SHANK2: variants seen among roughly 807,000 people sequenced by gnomAD.
SHANK2 encodes SH3 and multiple ankyrin repeat domains 2.
A neutral mutation model predicts 133.7 loss-of-function variants in SHANK2; 43 were observed. That is an observed-to-expected ratio of 0.32 (90% confidence interval 0.25 to 0.41). SHANK2 has a LOEUF of 0.41. Ranked by LOEUF, SHANK2 falls within the 10% of genes least tolerant of loss-of-function variation. SHANK2 has a pLI of 1.00. For missense variants in SHANK2, 1,994 were observed against 2,235.8 expected, an observed-to-expected ratio of 0.89 and a Z score of 2.18; for synonymous variants, 1,017 against 952.8, an observed-to-expected ratio of 1.07 and a Z score of -1.24.
At chr11:71,236,769 CACA>C (rs1270755557) in intron 1 of SHANK2, among the ~76,000 whole-genome samples, 5 of 152,192 alleles carry the variant, frequency 3.3e-5, no homozygotes, top group African/African-American at 4.8e-5. Context: ...AGCACATAAG[CACA>C]ACATTTTTAC....
intron 11 of SHANK2, chr11:70,862,815 C>A (rs73534053): frequency 0.015 from 4,202 of 274,124 alleles, 167 homozygotes; most frequent in African/African-American, 0.09. Flanking sequence ...GATTCCCCCA[C>A]GGGAGTAGTC....
intron 17 of SHANK2, among the ~76,000 whole-genome samples, chr11:70,644,522 C>A (rs114681055): frequency 6.6e-6 from 1 of 152,198 alleles, no homozygotes; most frequent in Non-Finnish European, 1.5e-5. Flanking sequence ...GTGGGGTGGA[C>A]GCAGCGACAG....
At chr11:70,670,883 G>A (rs1440138679) in intron 15 of SHANK2, among the ~76,000 whole-genome samples, 8 of 152,188 alleles carry the variant, frequency 5.3e-5, no homozygotes, top group African/African-American at 1.2e-4. Context: ...AGGGGGCTGC[G>A]TCGCTTCACG....
intron 12 of SHANK2, among the ~76,000 whole-genome samples, chr11:70,819,925 T>C (rs575870378): frequency 6.6e-6 from 1 of 152,238 alleles, no homozygotes; most frequent in Admixed American, 6.5e-5. Flanking sequence ...GTGTGCACCC[T>C]CAATTTGGAT....
chr11:70,840,214 G>A (rs1220610197), intron 11 of SHANK2, among the ~76,000 whole-genome samples: 3 of 152,218 alleles, frequency 2.0e-5, no homozygotes, highest in African/African-American at 7.2e-5. Flanking sequence ...AAGCCAACCA[G>A]AGGTGTCCCG....
At chr11:70,658,200 G>GC (rs202207297) in intron 17 of SHANK2, among the ~76,000 whole-genome samples, 3 of 96,008 alleles carry the variant, frequency 3.1e-5, no homozygotes, top group Admixed American at 1.2e-4. Flanking sequence ...CCAAGGCCAC[G>GC]CCCCCCCAAC....
intron 2 of SHANK2, among the ~76,000 whole-genome samples, chr11:71,148,729 G>C (rs1282107581): frequency 6.6e-6 from 1 of 152,224 alleles, no homozygotes; most frequent in Non-Finnish European, 1.5e-5. Flanking sequence ...CTCCACAGCT[G>C]TGACAATGAA....
chr11:70,641,734 C>T (rs1198011476), intron 17 of SHANK2, among the ~76,000 whole-genome samples: 2 of 152,224 alleles, frequency 1.3e-5, no homozygotes, highest in Admixed American at 6.5e-5. Context: ...AAATATCTTT[C>T]CACGGCTCAA....
At chr11:70,766,562 C>T (rs1947127835) in intron 14 of SHANK2, among the ~76,000 whole-genome samples, 1 of 152,168 alleles carries the variant, frequency 6.6e-6, no homozygotes, top group African/African-American at 2.4e-5. Context: ...CACCTCCAGG[C>T]CCTGGTTTAA....
chr11:70,519,166 C>A (rs952210628), intron 17 of SHANK2, among the ~76,000 whole-genome samples: 3 of 152,152 alleles, frequency 2.0e-5, no homozygotes, highest in Non-Finnish European at 4.4e-5. Flanking sequence ...CTGGGCCTCC[C>A]AAAGTGCTAG....
intron 1 of SHANK2, among the ~76,000 whole-genome samples, chr11:71,244,415 T>G (rs369122915): frequency 3.3e-5 from 5 of 152,226 alleles, no homozygotes. Context: ...ACGGGACCCA[T>G]GCACTGACAA....
At chr11:70,515,637 G>GA (rs58440823) in intron 17 of SHANK2, among the ~76,000 whole-genome samples, 38,160 of 79,912 alleles carry the variant, frequency 0.48, 10,625 homozygotes, top group Non-Finnish European at 0.58. Flanking sequence ...CTCGTTCCTT[G>GA]AAAAAAAAAA....
chr11:70,514,024 C>G (rs2059237090), intron 17 of SHANK2, among the ~76,000 whole-genome samples: 2 of 152,020 alleles, frequency 1.3e-5, no homozygotes, highest in Admixed American at 1.3e-4. Flanking sequence ...ATTCAAGAAG[C>G]CTGTGAATCC....
chr11:71,096,930 G>A (rs1338855357), intron 6 of SHANK2, among the ~76,000 whole-genome samples: 3 of 152,196 alleles, frequency 2.0e-5, no homozygotes, highest in Non-Finnish European at 4.4e-5. Flanking sequence ...TTTTGACTCA[G>A]AATTACAGAT....
intron 14 of SHANK2, among the ~76,000 whole-genome samples, chr11:70,769,438 G>T (rs1346185696): frequency 6.6e-6 from 1 of 152,182 alleles, no homozygotes; most frequent in Non-Finnish European, 1.5e-5. Context: ...TCGCCACTGG[G>T]GTTTTCTATC....
At chr11:71,208,788 TTTTA>T (rs1954186187) in intron 2 of SHANK2, among the ~76,000 whole-genome samples, 1 of 152,144 alleles carries the variant, frequency 6.6e-6, no homozygotes, top group Non-Finnish European at 1.5e-5. Context: ...AGACTGGACT[TTTTA>T]TTGAGACAGA....
At chr11:71,203,854 G>A (rs553051536) in intron 2 of SHANK2, among the ~76,000 whole-genome samples, 63 of 152,340 alleles carry the variant, frequency 4.1e-4, no homozygotes, top group African/African-American at 1.4e-3. Context: ...CCCTGGCTCC[G>A]AGGCTCAGGA....
chr11:71,223,709 C>T (rs1397984964), intron 2 of SHANK2, among the ~76,000 whole-genome samples: 2 of 152,152 alleles, frequency 1.3e-5, no homozygotes, highest in Non-Finnish European at 2.9e-5. Context: ...TCATGGTGCA[C>T]ACAATTAGGA....
intron 15 of SHANK2, among the ~76,000 whole-genome samples, chr11:70,681,064 C>T (rs558032305): frequency 6.6e-6 from 1 of 152,324 alleles, no homozygotes; most frequent in South Asian, 2.1e-4. Context: ...GACAGGTGCC[C>T]TGACTTGCAG....
Sources: allele counts gnomAD v4.1 joint callset (sites outside exome capture counted in the v4.1 genomes callset), GRCh38; gene constraint gnomAD v4.1.1; transcripts MANE v1.5; gene names NCBI Gene and HGNC (gene_info 2026-07-23, HGNC 2026-07-21).